Variants in DCC observed in about 807,000 individuals in gnomAD.
DCC encodes netrin receptor DCC.
DCC carries 58 observed loss-of-function variants against 172.5 expected under a neutral mutation model. The observed-to-expected ratio is 0.34, with a 90% CI of 0.27 to 0.42. The LOEUF (loss-of-function observed/expected upper bound fraction) is 0.42. DCC is among the 10% of genes least tolerant of loss of function. The pLI is 1.00. For missense variants in DCC, 1,740 were observed against 1,791.0 expected (o/e 0.97, Z 0.51); for synonymous variants, 709 against 644.5 (o/e 1.10, Z -1.52).
intron 1 of DCC, among the ~76,000 whole-genome samples, chr18:52,481,917 A>G (rs1353745205): frequency 6.6e-6 from 1 of 152,120 alleles, no homozygotes; most frequent in Non-Finnish European, 1.5e-5. Context: ...TAAATATTAA[A>G]TATCTTATTA....
intron 5 of DCC, among the ~76,000 whole-genome samples, chr18:52,996,787 T>C (rs1291533451): frequency 2.0e-5 from 3 of 150,034 alleles, no homozygotes; most frequent in Non-Finnish European, 4.4e-5. Flanking sequence ...TTTTTTTTTT[T>C]TTTTGCCTCT....
At chr18:53,460,273 T>TG (rs2045536940) in intron 24 of DCC, among the ~76,000 whole-genome samples, 6 of 87,678 alleles carry the variant, frequency 6.8e-5, no homozygotes, top group South Asian at 4.5e-4. Context: ...GAGGAGCTCC[T>TG]GTTTTTTTTT....
chr18:52,895,408 G>T (rs763434925), intron 2 of DCC, among the ~76,000 whole-genome samples: 1 of 152,172 alleles, frequency 6.6e-6, no homozygotes, highest in Admixed American at 6.5e-5. Context: ...GTCAAAGCTT[G>T]TAGAGGTAAA....
At chr18:52,790,079 C>A (rs2037731289) in intron 2 of DCC, among the ~76,000 whole-genome samples, 1 of 152,068 alleles carries the variant, frequency 6.6e-6, no homozygotes, top group South Asian at 2.1e-4. Flanking sequence ...TTTTCTGGCC[C>A]TCACCCAGGA....
chr18:53,239,729 G>A (rs1372833896), intron 12 of DCC, among the ~76,000 whole-genome samples: 2 of 152,048 alleles, frequency 1.3e-5, no homozygotes, highest in African/African-American at 2.4e-5. Context: ...AGAGAATTGT[G>A]GGAAAAGACC....
At chr18:53,495,503 C>CG (rs1165810370) in intron 26 of DCC, among the ~76,000 whole-genome samples, 1 of 152,082 alleles carries the variant, frequency 6.6e-6, no homozygotes, top group African/African-American at 2.4e-5. Flanking sequence ...GTCTGATGGG[C>CG]TTCCCTTTGT....
At chr18:52,714,204 C>T (rs2036341203) in intron 1 of DCC, among the ~76,000 whole-genome samples, 1 of 152,192 alleles carries the variant, frequency 6.6e-6, no homozygotes, top group Non-Finnish European at 1.5e-5. Context: ...TATCTGACCA[C>T]AGGGTCCATG....
At chr18:52,450,126 T>C (rs1988255701) in intron 1 of DCC, among the ~76,000 whole-genome samples, 1 of 152,210 alleles carries the variant, frequency 6.6e-6, no homozygotes, top group East Asian at 1.9e-4. Context: ...TTAAATGTAA[T>C]GAAACTGCCT....
intron 7 of DCC, among the ~76,000 whole-genome samples, chr18:53,087,708 T>G (rs1193512296): frequency 6.6e-6 from 1 of 151,882 alleles, no homozygotes; most frequent in African/African-American, 2.4e-5. Flanking sequence ...AATGCCTAGG[T>G]TTTCTTCTAG....
intron 1 of DCC, among the ~76,000 whole-genome samples, chr18:52,425,580 T>C (rs150416383): frequency 1.2e-3 from 183 of 152,226 alleles, no homozygotes; most frequent in Non-Finnish European, 1.8e-3. Context: ...CAGTAGAAAA[T>C]TGGCAACCTC....
chr18:52,766,600 T>A (rs2037256531), intron 2 of DCC, among the ~76,000 whole-genome samples: 3 of 151,930 alleles, frequency 2.0e-5, no homozygotes, highest in African/African-American at 7.3e-5. Context: ...AGTCTGGCCA[T>A]CTCTGGCTGA....
intron 15 of DCC, among the ~76,000 whole-genome samples, chr18:53,383,847 GA>G (rs1907948275): frequency 1.3e-5 from 2 of 151,898 alleles, no homozygotes; most frequent in African/African-American, 2.4e-5. Context: ...GGACAGAGGG[GA>G]TGATAGAATA....
intron 2 of DCC, among the ~76,000 whole-genome samples, chr18:52,872,765 G>A (rs964845679): frequency 6.6e-6 from 1 of 152,146 alleles, no homozygotes; most frequent in African/African-American, 2.4e-5. Context: ...GCACTGATCT[G>A]CTGGTTATAT....
rs1180521452 is a variant in DCC at position 52,670,132 on chromosome 18, C to T, written c.92-81922C>T. ...GACAAAATGACCAAGATGACGCAAC[C>T]TCTGTTACCCACTGTTGTCTTTTAA... On this transcript the variant is annotated intron_variant, in intron 1 of 28. Coordinates refer to ENST00000442544, the MANE Select transcript of DCC (RefSeq NM_005215.4). Among the ~76,000 whole-genome samples the T allele has an allele frequency of 5.5e-4, 84 of 152,226 alleles. 1 individual carries two copies. The highest frequency in any genetic ancestry group is 8.8e-5 in the Non-Finnish European group (6 of 68,032).
intron 1 of DCC, among the ~76,000 whole-genome samples, chr18:52,642,661 A>T (rs185051672): frequency 8.6e-5 from 13 of 151,970 alleles, no homozygotes; most frequent in Admixed American, 2.6e-4. Context: ...TTTTAATTTA[A>T]TTTTTTTATT....
At chr18:52,692,630 C>G (rs557437979) in intron 1 of DCC, among the ~76,000 whole-genome samples, 3 of 152,044 alleles carry the variant, frequency 2.0e-5, no homozygotes, top group African/African-American at 7.2e-5. Context: ...GAGGGTTTCA[C>G]TATATTGACC....
At chr18:53,180,076 T>C in intron 9 of DCC, among the ~76,000 whole-genome samples, 1 of 152,156 alleles carries the variant, frequency 6.6e-6, no homozygotes, top group Non-Finnish European at 1.5e-5. Flanking sequence ...GAAGTAGAGA[T>C]TGGAAATATT....
chr18:52,521,683 G>T (rs544199463), intron 1 of DCC, among the ~76,000 whole-genome samples: 105 of 152,106 alleles, frequency 6.9e-4, no homozygotes, highest in Non-Finnish European at 8.4e-4. Flanking sequence ...CAGGAATCTG[G>T]GTTACACTAG....
intron 7 of DCC, among the ~76,000 whole-genome samples, chr18:53,138,489 A>G (rs1011006163): frequency 6.6e-6 from 1 of 152,208 alleles, no homozygotes; most frequent in Non-Finnish European, 1.5e-5. Flanking sequence ...TTTTCTGAAG[A>G]AAAGGTGTTA....
Sources: gnomAD v4.1 joint callset for allele counts (sites outside exome capture counted in the v4.1 genomes callset) on GRCh38, gnomAD v4.1.1 for gene constraint, MANE v1.5 for transcripts, NCBI Gene and HGNC (gene_info 2026-07-23, HGNC 2026-07-21) for gene names.